TRAPPC9: variants seen among roughly 807,000 people sequenced by gnomAD.
The protein encoded by TRAPPC9 is IKK2 binding protein.
Under a neutral mutation model 124.0 loss-of-function variants are expected in TRAPPC9, and 83 were observed. The observed-to-expected ratio is 0.67, with a 90% CI of 0.56 to 0.80. The LOEUF (loss-of-function observed/expected upper bound fraction) is 0.80. TRAPPC9 is among the 30% of genes least tolerant of loss of function. The pLI is 0.00. For synonymous variants in TRAPPC9, 638 were observed against 617.5 expected (o/e 1.03, Z -0.49); for missense variants, 1,302 against 1,508.3 (o/e 0.86, Z 2.27).
At chr8:140,255,508 T>C (rs1359625307) in intron 15 of TRAPPC9, among the ~76,000 whole-genome samples, 1 of 152,268 alleles carries the variant, frequency 6.6e-6, no homozygotes, top group African/African-American at 2.4e-5. Context: ...GGGAAAAGGA[T>C]GATGGAATCG....
chr8:139,823,979 G>C (rs1825449484), intron 21 of TRAPPC9, among the ~76,000 whole-genome samples: 1 of 152,172 alleles, frequency 6.6e-6, no homozygotes, highest in African/African-American at 2.4e-5. Context: ...ACATGCCCGT[G>C]AGGATCCGGA....
At chr8:140,431,350 G>C (rs556490167) in intron 4 of TRAPPC9, among the ~76,000 whole-genome samples, 4 of 151,788 alleles carry the variant, frequency 2.6e-5, no homozygotes, top group Admixed American at 2.6e-4. Context: ...CCAGCTACTC[G>C]GGAGGCTGAG....
intron 21 of TRAPPC9, among the ~76,000 whole-genome samples, chr8:139,752,208 C>T (rs1390286838): frequency 6.6e-6 from 1 of 151,180 alleles, no homozygotes; most frequent in Admixed American, 6.6e-5. Context: ...ACCCATCTAC[C>T]ATCCATCCAT....
At chr8:139,828,270 G>A (rs1470786448) in intron 21 of TRAPPC9, among the ~76,000 whole-genome samples, 1 of 152,210 alleles carries the variant, frequency 6.6e-6, no homozygotes, top group Non-Finnish European at 1.5e-5. Context: ...TCCTCAGTTT[G>A]TATTGGCTTG....
intron 17 of TRAPPC9, among the ~76,000 whole-genome samples, chr8:140,215,128 C>T (rs568822226): frequency 2.5e-3 from 380 of 152,256 alleles, no homozygotes; most frequent in Non-Finnish European, 3.5e-3. Context: ...CAAACCTCGA[C>T]AACCAGAAAA....
At position 139,728,772 on chromosome 8, in the gene TRAPPC9, C is replaced by T. The variant is rs1302883029; in HGVS notation, c.*2289G>A. Among the ~76,000 whole-genome samples, 2 of 152,186 alleles carry T rather than the reference C, an allele frequency of 1.3e-5. No individual in the cohort carries two copies. Among genetic ancestry groups the T allele is most frequent in the African/African-American group, 4.8e-5 (2 of 41,448 alleles). Reference sequence around the variant, plus strand: ...CAGGAGGCCTGGGTTATTTCTAACACCCCCTCCTCCAAGAAGACAACTTTG... The same window carrying T: ...CAGGAGGCCTGGGTTATTTCTAACATCCCCTCCTCCAAGAAGACAACTTTG... On this transcript the variant is annotated 3_prime_UTR_variant, in exon 23 of 23. Transcript: ENST00000438773.
chr8:139,833,281 A>T (rs1034051960), intron 21 of TRAPPC9, among the ~76,000 whole-genome samples: 1 of 152,186 alleles, frequency 6.6e-6, no homozygotes, highest in Non-Finnish European at 1.5e-5. Flanking sequence ...CCCTTCCCCC[A>T]GCCGACTTCC....
chr8:139,958,854 A>T (rs563792380), intron 19 of TRAPPC9, among the ~76,000 whole-genome samples: 6 of 152,276 alleles, frequency 3.9e-5, no homozygotes, highest in African/African-American at 1.4e-4. Context: ...TCGGGAACAC[A>T]TGCCAGAGAT....
At chr8:140,457,792 G>A (rs2132756787), upstream of TRAPPC9, 3 of 1,022,702 alleles carry the variant, frequency 2.9e-6, no homozygotes, top group East Asian at 1.0e-4. Flanking sequence ...GGCCAGGCCT[G>A]GGCCCCCGAT....
chr8:140,430,333 G>A (rs969832331), intron 4 of TRAPPC9, among the ~76,000 whole-genome samples: 1 of 152,056 alleles, frequency 6.6e-6, no homozygotes, highest in African/African-American at 2.4e-5. Flanking sequence ...CACTCCTCTG[G>A]TTTCCATAAT....
chr8:140,233,051 A>G (rs1487282433), intron 16 of TRAPPC9, among the ~76,000 whole-genome samples: 1 of 152,244 alleles, frequency 6.6e-6, no homozygotes, highest in East Asian at 1.9e-4. Flanking sequence ...TCTCTTCATT[A>G]AACAGTCAGC....
chr8:139,862,678 A>G (rs1322981151), intron 21 of TRAPPC9, among the ~76,000 whole-genome samples: 1 of 152,178 alleles, frequency 6.6e-6, no homozygotes, highest in Non-Finnish European at 1.5e-5. Flanking sequence ...TAAGTGTCTT[A>G]ATCTCACTCT....
intron 16 of TRAPPC9, among the ~76,000 whole-genome samples, chr8:140,239,004 C>T (rs1334145072): frequency 6.6e-6 from 1 of 152,080 alleles, no homozygotes; most frequent in African/African-American, 2.4e-5. Context: ...GCGCTGCAGA[C>T]ATAGGGGCTT....
Position 140,252,694 on chromosome 8 carries a change from C to A in TRAPPC9, c.2431+83G>T. On this transcript the variant is annotated intron_variant, in intron 16 of 22. Coordinates refer to ENST00000438773, the MANE Select transcript of TRAPPC9 (RefSeq NM_001160372.4). This position sits in a 1 kb window ranked among gnomAD's most constrained non-coding sequence, Gnocchi z 4.2. ...TGAATGACAAGTGAGTTACAAACAG[C>A]AAACAGCAGGCATCAAGGGATGGGG... 6.5e-7 allele frequency: 1 copy of A among 1,531,744 alleles called. No individual in the cohort carries two copies. Among genetic ancestry groups the A allele is most frequent in the Non-Finnish European group, 9.0e-7 (1 of 1,117,168 alleles). The allele number at this position is 1,531,744 out of a possible 1,614,324, so 94.9% of individuals were successfully genotyped here.
At chr8:140,410,573 G>A (rs1235670542) in intron 5 of TRAPPC9, among the ~76,000 whole-genome samples, 1 of 152,204 alleles carries the variant, frequency 6.6e-6, no homozygotes, top group Non-Finnish European at 1.5e-5. Flanking sequence ...GCCGGGCGCA[G>A]TGGCTCACGC....
intron 16 of TRAPPC9, among the ~76,000 whole-genome samples, chr8:140,235,678 A>G (rs563981267): frequency 3.5e-4 from 54 of 152,354 alleles, no homozygotes; most frequent in African/African-American, 1.2e-3. Flanking sequence ...GAGAGTTCAT[A>G]CATAGTGCTG....
intron 19 of TRAPPC9, among the ~76,000 whole-genome samples, chr8:139,973,083 CT>C (rs560253991): frequency 6.6e-6 from 1 of 152,234 alleles, no homozygotes; most frequent in Non-Finnish European, 1.5e-5. Context: ...AAAAGCCACC[CT>C]TTTTCTATGG....
intron 17 of TRAPPC9, among the ~76,000 whole-genome samples, chr8:140,081,134 C>A (rs956460175): frequency 2.6e-5 from 4 of 152,100 alleles, no homozygotes; most frequent in African/African-American, 9.7e-5. Flanking sequence ...ATCCCCAGTG[C>A]GTCTGCAGCT....
At chr8:140,229,940 A>G (rs1437069876) in intron 16 of TRAPPC9, among the ~76,000 whole-genome samples, 8 of 152,222 alleles carry the variant, frequency 5.3e-5, no homozygotes, top group African/African-American at 1.2e-4. Context: ...AAGGTCCTTT[A>G]AAGTTGCAGC....
Sources: gnomAD v4.1 joint callset for allele counts (sites outside exome capture counted in the v4.1 genomes callset) on GRCh38, gnomAD v4.1.1 for gene constraint, Gnocchi (gnomAD v3.1) non-coding constraint, MANE v1.5 for transcripts, NCBI Gene and HGNC (gene_info 2026-07-23, HGNC 2026-07-21) for gene names.